FGF12: variants seen among roughly 807,000 people sequenced by gnomAD.
The protein encoded by FGF12 is fibroblast growth factor 12B.
A neutral mutation model predicts 23.6 loss-of-function variants in FGF12; 14 were observed. The ratio of observed to expected loss-of-function variants is 0.59; its 90% CI spans 0.39 to 0.93. The LOEUF is 0.93. Among genes scored for constraint, FGF12 ranks in the 40% least tolerant of loss-of-function variants. The probability of loss-of-function intolerance (pLI) is 0.00; values close to 1 mark genes in which losing one functional copy is unlikely to be tolerated. For synonymous variants in FGF12, 62 were observed against 77.3 expected, an observed-to-expected ratio of 0.80 and a Z score of 1.04; for missense variants, 175 against 217.8, an observed-to-expected ratio of 0.80 and a Z score of 1.24.
chr3:192,156,707 G>T (rs1714445026), intron 5 of FGF12, among the ~76,000 whole-genome samples: 1 of 152,060 alleles, frequency 6.6e-6, no homozygotes, highest in African/African-American at 2.4e-5. Flanking sequence ...AGAAATATTT[G>T]CTTCCCTCAC....
Position 192,687,825 on chromosome 3 carries a change from C to T in FGF12, c.13+39356G>A, listed in dbSNP as rs190753776. On this transcript the variant is annotated intron_variant, in intron 2 of 5. Coordinates refer to ENST00000445105, the MANE Select transcript of FGF12 (RefSeq NM_004113.6). The stretch of plus-strand genomic sequence containing the variant: ...AGTCAGCCTGACCCCTGTCCCAACC[C>T]GCAGCTGACACCTGCCATCATGCAT... 3.9e-3 allele frequency among the ~76,000 whole-genome samples: 593 copies of T among 152,266 alleles called. 4 individuals are homozygous for T. Among genetic ancestry groups the T allele is most frequent in the African/African-American group, 0.013 (534 of 41,564 alleles).
chr3:192,436,406 C>G (rs773728642), intron 2 of FGF12, among the ~76,000 whole-genome samples: 4 of 152,170 alleles, frequency 2.6e-5, no homozygotes, highest in Non-Finnish European at 4.4e-5. Context: ...AAACACGGAT[C>G]GCTGGGCCTT....
intron 2 of FGF12, among the ~76,000 whole-genome samples, chr3:192,587,226 T>C (rs1459886478): frequency 6.6e-6 from 1 of 151,908 alleles, no homozygotes; most frequent in Non-Finnish European, 1.5e-5. Flanking sequence ...ATGTAGAACT[T>C]GGTAAGAGTG....
At chr3:192,229,475 T>C (rs1461343626) in intron 4 of FGF12, among the ~76,000 whole-genome samples, 1 of 152,056 alleles carries the variant, frequency 6.6e-6, no homozygotes, top group South Asian at 2.1e-4. Context: ...AACCTACTAT[T>C]GGCTAATCAA....
intron 2 of FGF12, among the ~76,000 whole-genome samples, chr3:192,668,678 G>C (rs1185159288): frequency 1.3e-5 from 2 of 152,148 alleles, no homozygotes; most frequent in Non-Finnish European, 2.9e-5. Flanking sequence ...TTGGAGCTGT[G>C]CATCGTGTAG....
chr3:192,480,758 T>C (rs1399865489), intron 2 of FGF12, among the ~76,000 whole-genome samples: 1 of 152,206 alleles, frequency 6.6e-6, no homozygotes, highest in East Asian at 1.9e-4. Flanking sequence ...TACAGTCTTA[T>C]TCCATACATG....
chr3:192,594,083 G>C (rs1022960915), intron 2 of FGF12, among the ~76,000 whole-genome samples: 12 of 151,898 alleles, frequency 7.9e-5, no homozygotes, highest in African/African-American at 2.7e-4. Flanking sequence ...TGGAGCTGGG[G>C]CTTGAAATGT....
chr3:192,282,273 A>T (rs1714190483), intron 4 of FGF12, among the ~76,000 whole-genome samples: 2 of 152,128 alleles, frequency 1.3e-5, no homozygotes, highest in African/African-American at 4.8e-5. Context: ...ATATTTTTTG[A>T]GTAAATGAAT....
intron 4 of FGF12, among the ~76,000 whole-genome samples, chr3:192,293,446 A>G (rs1477427284): frequency 6.6e-6 from 1 of 152,194 alleles, no homozygotes; most frequent in Non-Finnish European, 1.5e-5. Flanking sequence ...ATACCTTTCC[A>G]TCGTCACATC....
chr3:192,386,403 G>C (rs1720043129), intron 2 of FGF12, among the ~76,000 whole-genome samples: 1 of 152,010 alleles, frequency 6.6e-6, no homozygotes, highest in South Asian at 2.1e-4. Context: ...TTCATTATTT[G>C]ATTTCCCCTA....
At chr3:192,296,235 T>A (rs558509447) in intron 4 of FGF12, among the ~76,000 whole-genome samples, 5 of 151,128 alleles carry the variant, frequency 3.3e-5, no homozygotes, top group African/African-American at 1.2e-4. Context: ...TTTATTTTTT[T>A]TTTTTTGAGA....
At chr3:192,167,350 A>T (rs1340470340) in intron 5 of FGF12, among the ~76,000 whole-genome samples, 1 of 151,896 alleles carries the variant, frequency 6.6e-6, no homozygotes, top group Non-Finnish European at 1.5e-5. Flanking sequence ...CTGGAATAAG[A>T]TGCTGGTTGG....
intron 2 of FGF12, among the ~76,000 whole-genome samples, chr3:192,462,102 C>T (rs1388889986): frequency 6.6e-6 from 1 of 151,712 alleles, no homozygotes; most frequent in Non-Finnish European, 1.5e-5. Flanking sequence ...GTTTTTAAAA[C>T]TCACTAGTAA....
At position 192,347,504 on chromosome 3, in the gene FGF12, C is replaced by T. The variant is rs571491299; in HGVS notation, c.125-12040G>A. On this transcript the variant is annotated intron_variant, in intron 3 of 5. Transcript: ENST00000445105. ...GTTGAGAACCTGGATCTATGAGGAG[C>T]GGCTGCTGTCTTCCTTTACGTCTCA... is the stretch of plus-strand genomic sequence containing the variant. Among the ~76,000 whole-genome samples the T allele has an allele frequency of 1.2e-4, 19 of 152,222 alleles. No individual in the cohort carries two copies. In the South Asian group the frequency reaches 3.1e-3, roughly 25 times the overall value.
intron 4 of FGF12, among the ~76,000 whole-genome samples, chr3:192,253,488 ATTAAT>A (rs1419767777): frequency 6.6e-6 from 1 of 152,132 alleles, no homozygotes; most frequent in Non-Finnish European, 1.5e-5. Flanking sequence ...GAGAAAAGAA[ATTAAT>A]TTAGCTTTAG....
At chr3:192,585,692 G>C (rs375817969) in intron 2 of FGF12, among the ~76,000 whole-genome samples, 1 of 151,978 alleles carries the variant, frequency 6.6e-6, no homozygotes, top group Admixed American at 6.6e-5. Flanking sequence ...TGAACTCCCC[G>C]AGCCCCTCAA....
chr3:192,348,972 A>G (rs1718086067), intron 3 of FGF12, among the ~76,000 whole-genome samples: 1 of 152,176 alleles, frequency 6.6e-6, no homozygotes, highest in Non-Finnish European at 1.5e-5. Context: ...CCCAAGTCAT[A>G]GATTAAGAAA....
chr3:192,244,550 A>C (rs921189480), intron 4 of FGF12, among the ~76,000 whole-genome samples: 3 of 152,166 alleles, frequency 2.0e-5, no homozygotes, highest in African/African-American at 7.2e-5. Context: ...AAATAAGAAA[A>C]TTGTAATATT....
intron 4 of FGF12, among the ~76,000 whole-genome samples, chr3:192,201,520 A>G (rs1717366007): frequency 6.6e-6 from 1 of 152,206 alleles, no homozygotes; most frequent in Non-Finnish European, 1.5e-5. Flanking sequence ...CAGTAAGCCC[A>G]GAGACTACAG....
Sources: gnomAD v4.1 joint callset for allele counts (sites outside exome capture counted in the v4.1 genomes callset) on GRCh38, gnomAD v4.1.1 for gene constraint, MANE v1.5 for transcripts, NCBI Gene and HGNC (gene_info 2026-07-23, HGNC 2026-07-21) for gene names.